Variants in NRXN3 observed in about 807,000 individuals in gnomAD.
The protein encoded by NRXN3 is neurexin 3, also known as neurexin III.
In NRXN3, 32 loss-of-function variants were observed where a neutral mutation model predicts 137.6. The observed-to-expected ratio is 0.23, with a 90% CI of 0.18 to 0.31. The LOEUF (loss-of-function observed/expected upper bound fraction) is 0.31. Ranked by LOEUF, NRXN3 falls within the 10% of genes least tolerant of loss-of-function variation. The pLI is 1.00. For synonymous variants in NRXN3, 798 were observed against 784.5 expected (o/e 1.02, Z -0.29); for missense variants, 1,574 against 2,062.5 (o/e 0.76, Z 4.59).
At chr14:79,845,811 AGAGG>A (rs2099367032) in intron 20 of NRXN3, among the ~76,000 whole-genome samples, 5 of 107,836 alleles carry the variant, frequency 4.6e-5, no homozygotes, top group South Asian at 4.6e-4. Flanking sequence ...ACGGGGAGAG[AGAGG>A]GAGACGGGGA....
chr14:78,432,935 T>C (rs1336181755), intron 4 of NRXN3, among the ~76,000 whole-genome samples: 1 of 152,212 alleles, frequency 6.6e-6, no homozygotes, highest in Non-Finnish European at 1.5e-5. Context: ...GTATTATTCT[T>C]CTATTGCTGC....
At chr14:78,451,676 T>C (rs1318954789) in intron 4 of NRXN3, among the ~76,000 whole-genome samples, 1 of 152,242 alleles carries the variant, frequency 6.6e-6, no homozygotes, top group East Asian at 1.9e-4. Flanking sequence ...GACTTAATGC[T>C]GTCTGCTCCT....
At chr14:78,271,313 G>A (rs1334925092) in intron 2 of NRXN3, among the ~76,000 whole-genome samples, 1 of 152,084 alleles carries the variant, frequency 6.6e-6, no homozygotes, top group East Asian at 1.9e-4. Context: ...TTGCATACAT[G>A]CTTCTGGCAG....
chr14:78,787,002 T>C (rs2098791055), intron 8 of NRXN3, among the ~76,000 whole-genome samples: 1 of 152,162 alleles, frequency 6.6e-6, no homozygotes, highest in East Asian at 1.9e-4. Context: ...TATGACAACT[T>C]CTATGGTTCT....
At chr14:79,068,207 A>C (rs1329378205) in intron 15 of NRXN3, among the ~76,000 whole-genome samples, 1 of 152,108 alleles carries the variant, frequency 6.6e-6, no homozygotes, top group Non-Finnish European at 1.5e-5. Context: ...AGGTGCAATA[A>C]TTATGGAGTA....
At chr14:79,234,298 ATATATATAT>A (rs2072833113) in intron 15 of NRXN3, among the ~76,000 whole-genome samples, 1 of 8,084 alleles carries the variant, frequency 1.2e-4, no homozygotes, top group African/African-American at 4.7e-4. Flanking sequence ...TGGTAAATAT[ATATATATAT>A]ATATATATAT....
rs564265565 is a variant in NRXN3, at chr14:79,124,224, T to A, written c.3262+136083T>A. ...TAAAATCAAGCTAAATGAAATGAGG[T>A]AAATGTAGGACCAGAAAAACCAGAA... On this transcript the variant is annotated intron_variant, in intron 15 of 20. Coordinates refer to ENST00000335750, the MANE Select transcript of NRXN3 (RefSeq NM_001330195.2). Among the ~76,000 whole-genome samples the A allele has an allele frequency of 4.6e-5, 7 of 152,168 alleles. No homozygotes were observed. In the South Asian group the frequency reaches 1.5e-3, roughly 32 times the overall value.
At chr14:79,303,745 A>G (rs2085538053) in intron 15 of NRXN3, among the ~76,000 whole-genome samples, 1 of 152,022 alleles carries the variant, frequency 6.6e-6, no homozygotes, top group Admixed American at 6.6e-5. Flanking sequence ...AACCACAGAC[A>G]ATAAGTAAAG....
intron 4 of NRXN3, among the ~76,000 whole-genome samples, chr14:78,644,823 T>A (rs2097670743): frequency 1.3e-5 from 2 of 152,240 alleles, no homozygotes; most frequent in African/African-American, 4.8e-5. Flanking sequence ...TCATTTTGCA[T>A]GAAACCTCCC....
chr14:79,442,419 G>T (rs1209039330), intron 15 of NRXN3, among the ~76,000 whole-genome samples: 1 of 152,134 alleles, frequency 6.6e-6, no homozygotes, highest in Non-Finnish European at 1.5e-5. Context: ...AATAATAATG[G>T]TTCCCCTGAA....
chr14:78,629,728 A>G (rs905101317), intron 4 of NRXN3, among the ~76,000 whole-genome samples: 1 of 152,238 alleles, frequency 6.6e-6, no homozygotes, highest in Non-Finnish European at 1.5e-5. Flanking sequence ...ATTGATAATG[A>G]GCTAGATGAC....
chr14:79,454,638 A>G (rs1477879934), intron 15 of NRXN3, among the ~76,000 whole-genome samples: 1 of 152,180 alleles, frequency 6.6e-6, no homozygotes, highest in Non-Finnish European at 1.5e-5. Context: ...GTGATAATGA[A>G]CATCTCTATT....
intron 19 of NRXN3, among the ~76,000 whole-genome samples, chr14:79,710,431 G>C (rs17109793): frequency 0.29 from 44,207 of 152,040 alleles, 6,601 homozygotes; most frequent in Middle Eastern, 0.36. Context: ...TCAAAGAAAG[G>C]GTGACTGCTA....
In NRXN3 at chr14:78,856,105, G is replaced by T. The variant is rs182181287; in HGVS notation, c.2275+45761G>T. 1.8e-3 allele frequency among the ~76,000 whole-genome samples: 270 copies of T among 152,276 alleles called. 1 individual carries two copies. Among genetic ancestry groups the T allele is most frequent in the African/African-American group, 6.3e-3 (263 of 41,566 alleles). On this transcript the variant is annotated intron_variant, in intron 10 of 20. Coordinates refer to ENST00000335750, the MANE Select transcript of NRXN3 (RefSeq NM_001330195.2). Reference sequence around the variant, plus strand: ...CAACCCTCATCCACTGCTTATGACTGCTGTGTAAAACACTCCAACCTCAGT... The same window carrying T: ...CAACCCTCATCCACTGCTTATGACTTCTGTGTAAAACACTCCAACCTCAGT...
intron 15 of NRXN3, among the ~76,000 whole-genome samples, chr14:79,014,246 C>T (rs570974249): frequency 6.3e-4 from 96 of 152,316 alleles, no homozygotes; most frequent in Non-Finnish European, 1.2e-3. Context: ...TTTCAATCCT[C>T]ACCCTCCTCC....
chr14:78,350,932 A>G (rs1016647871), intron 4 of NRXN3, among the ~76,000 whole-genome samples: 3 of 151,960 alleles, frequency 2.0e-5, no homozygotes, highest in African/African-American at 7.3e-5. Context: ...ACAAATATTT[A>G]CATTGTATCT....
intron 16 of NRXN3, among the ~76,000 whole-genome samples, chr14:79,589,747 A>T (rs1413180065): frequency 6.6e-6 from 1 of 152,102 alleles, no homozygotes; most frequent in Non-Finnish European, 1.5e-5. Flanking sequence ...ATTTTAATAT[A>T]TTTACTCAGG....
intron 16 of NRXN3, among the ~76,000 whole-genome samples, chr14:79,592,818 T>G (rs942119380): frequency 7.9e-5 from 12 of 152,194 alleles, no homozygotes; most frequent in African/African-American, 2.9e-4. Context: ...ATGATTGTTT[T>G]TCGCTAAGTG....
intron 10 of NRXN3, among the ~76,000 whole-genome samples, chr14:78,825,298 A>C (rs2098963594): frequency 6.6e-6 from 1 of 152,016 alleles, no homozygotes; most frequent in Non-Finnish European, 1.5e-5. Context: ...ATCCTTAAAG[A>C]GATTGAAGAT....
Sources: allele counts gnomAD v4.1 joint callset (sites outside exome capture counted in the v4.1 genomes callset), GRCh38; gene constraint gnomAD v4.1.1; transcripts MANE v1.5; gene names NCBI Gene and HGNC (gene_info 2026-07-23, HGNC 2026-07-21).